SNX25: variants seen among roughly 807,000 people sequenced by gnomAD.
SNX25 encodes the protein sorting nexin-25.
SNX25 carries 62 observed loss-of-function variants against 113.7 expected under a neutral mutation model. The ratio of observed to expected loss-of-function variants is 0.55; its 90% CI spans 0.44 to 0.67. The LOEUF (loss-of-function observed/expected upper bound fraction) is 0.67. SNX25 is among the 30% of genes least tolerant of loss of function. SNX25 has a pLI of 0.00. For synonymous variants in SNX25, 421 were observed against 436.2 expected (o/e 0.97, Z 0.43); for missense variants, 1,014 against 1,161.0 (o/e 0.87, Z 1.84).
At position 185,300,839 on chromosome 4, in the gene SNX25, T is replaced by TCACACACACACACACA. The variant is rs1560985826; in HGVS notation, c.1163-9796_1163-9795insCACACACACACACACA. Among the ~76,000 whole-genome samples, 72 of 49,674 alleles carry TCACACACACACACACA rather than the reference T, an allele frequency of 1.4e-3. 1 individual carries two copies. The highest frequency in any genetic ancestry group is 6.4e-3 in the African/African-American group (67 of 10,444). 32.6% of individuals were successfully genotyped at this position (49,674 alleles called of 152,430 possible). On this transcript the variant is annotated intron_variant, in intron 6 of 18. Transcript: ENST00000652585. ...AATGCCTGTGGTATTATGATTATTA[T>TCACACACACACACACA]GACACACACACACACACACACACAC...
chr4:185,240,218 T>C (rs1014353033), intron 1 of SNX25, among the ~76,000 whole-genome samples: 2 of 151,834 alleles, frequency 1.3e-5, no homozygotes, highest in African/African-American at 2.4e-5. Context: ...TCCCCACCTT[T>C]CCCCCCTTTC....
downstream of SNX25, chr4:185,372,870 A>G: frequency 1.9e-6 from 3 of 1,606,088 alleles, no homozygotes; most frequent in African/African-American, 1.3e-5. Flanking sequence ...TGGAAAATGC[A>G]ACACACTTTG....
downstream of SNX25, chr4:185,374,114 T>G (rs1370608159): frequency 2.5e-6 from 4 of 1,588,468 alleles, no homozygotes; most frequent in Non-Finnish European, 3.5e-6. Flanking sequence ...AACACTAGCA[T>G]TAAAAAAGAG....
chr4:185,312,718 G>A (rs993964234), intron 7 of SNX25, among the ~76,000 whole-genome samples: 8 of 152,020 alleles, frequency 5.3e-5, no homozygotes, highest in South Asian at 4.1e-4. Context: ...GTAGAGACGC[G>A]GTTTCACTGT....
In SNX25 at chr4:185,332,575, G is replaced by T; in HGVS notation, c.1750-20G>T. ...TTTTCTATCATTATAAGATATGGTG[G>T]TATGTGACTCTCCCCCTAGGGCCCA... On this transcript the variant is annotated intron_variant, in intron 9 of 18. Coordinates refer to ENST00000652585, the MANE Select transcript of SNX25 (RefSeq NM_001378034.2). 1 of 1,593,790 alleles carries T rather than the reference G, an allele frequency of 6.3e-7. No homozygotes were observed. Among genetic ancestry groups the T allele is most frequent in the Non-Finnish European group, 8.6e-7 (1 of 1,169,408 alleles).
downstream of SNX25, chr4:185,371,065 G>A (rs2095413124): frequency 2.7e-6 from 1 of 374,884 alleles, no homozygotes; most frequent in African/African-American, 2.0e-5. Context: ...GGAAAACAAA[G>A]GTATGTTTCT....
chr4:185,305,870 T>C (rs962069436), intron 6 of SNX25, among the ~76,000 whole-genome samples: 21 of 152,180 alleles, frequency 1.4e-4, no homozygotes, highest in African/African-American at 4.3e-4. Flanking sequence ...TTAAAAGTAA[T>C]GGCGAAACCC....
rs1443227449 is a variant in SNX25, at chr4:185,230,099, G to C, written c.430-17195G>C. On this transcript the variant is annotated intron_variant, in intron 1 of 18. Coordinates refer to ENST00000652585, the MANE Select transcript of SNX25 (RefSeq NM_001378034.2). Reference sequence around the variant, plus strand: ...CCCACCTTAGCCTCCCAAAATGCTGGGATTATTGGCATGAGCCACTGTGCC... The same window carrying C: ...CCCACCTTAGCCTCCCAAAATGCTGCGATTATTGGCATGAGCCACTGTGCC... Among the ~76,000 whole-genome samples the C allele has an allele frequency of 2.6e-5, 4 of 152,164 alleles. No individual in the cohort carries two copies. In the East Asian group the frequency reaches 7.8e-4, roughly 30 times the overall value.
chr4:185,241,053 G>A (rs1422516723), intron 1 of SNX25, among the ~76,000 whole-genome samples: 1,827 of 151,080 alleles, frequency 0.012, 46 homozygotes, highest in East Asian at 0.11. Flanking sequence ...AGGCAGAGAC[G>A]CTCCTCACTT....
intron 9 of SNX25, among the ~76,000 whole-genome samples, chr4:185,327,712 C>T (rs759201596): frequency 7.2e-5 from 11 of 152,184 alleles, no homozygotes; most frequent in Non-Finnish European, 1.5e-4. Flanking sequence ...TGTCTGTGGA[C>T]TAGACTGCCT....
chr4:185,288,846 C>A (rs1055716802), intron 6 of SNX25, among the ~76,000 whole-genome samples: 1 of 152,198 alleles, frequency 6.6e-6, no homozygotes, highest in African/African-American at 2.4e-5. Context: ...AGCTCAGAGG[C>A]AGCAAACACT....
intron 6 of SNX25, among the ~76,000 whole-genome samples, chr4:185,299,773 A>G (rs1753371829): frequency 6.6e-6 from 1 of 152,186 alleles, no homozygotes; most frequent in Non-Finnish European, 1.5e-5. Context: ...TGAGCCCAGC[A>G]TATCTCCCTT....
At chr4:185,223,755 A>T (rs1740392910) in intron 1 of SNX25, among the ~76,000 whole-genome samples, 1 of 141,274 alleles carries the variant, frequency 7.1e-6, no homozygotes, top group East Asian at 2.1e-4. Flanking sequence ...AAAAAAAAAA[A>T]GTCATGTTGT....
chr4:185,251,951 A>T (rs1017756872), intron 2 of SNX25, among the ~76,000 whole-genome samples: 1 of 151,738 alleles, frequency 6.6e-6, no homozygotes, highest in Non-Finnish European at 1.5e-5. Flanking sequence ...TCAGTTTATT[A>T]TACTTTGCTT....
chr4:185,376,869 G>T, the SNX25 span: 1 of 1,440,724 alleles, frequency 6.9e-7, no homozygotes, highest in East Asian at 2.3e-5. Context: ...TCTAACAACA[G>T]AATTACAGGA....
chr4:185,267,852 T>C (rs1424220829), intron 5 of SNX25, among the ~76,000 whole-genome samples: 1 of 152,214 alleles, frequency 6.6e-6, no homozygotes, highest in East Asian at 1.9e-4. Flanking sequence ...ATGTGTTATA[T>C]ACTGTATTCT....
chr4:185,333,751 A>G (rs915591021), intron 10 of SNX25, among the ~76,000 whole-genome samples: 2 of 152,184 alleles, frequency 1.3e-5, no homozygotes, highest in Middle Eastern at 3.2e-3. Flanking sequence ...CATCACTTTA[A>G]TAATTGTTAG....
At chr4:185,353,148 G>A (rs569717959) in intron 14 of SNX25, 1 of 178,896 alleles carries the variant, frequency 5.6e-6, no homozygotes, top group South Asian at 1.8e-4. Flanking sequence ...ACTTCCTGCT[G>A]TTTTAAGGGA....
chr4:185,273,997 C>T (rs1224218352), intron 5 of SNX25, among the ~76,000 whole-genome samples: 1 of 151,682 alleles, frequency 6.6e-6, no homozygotes, highest in East Asian at 1.9e-4. Context: ...GAATTTCACC[C>T]ATCATATCCT....
Sources: allele counts gnomAD v4.1 joint callset (sites outside exome capture counted in the v4.1 genomes callset), GRCh38; gene constraint gnomAD v4.1.1; transcripts MANE v1.5; gene names NCBI Gene and HGNC (gene_info 2026-07-23, HGNC 2026-07-21).